The following TMEM245 variants were observed in gnomAD, a reference collection of about 807,000 sequenced individuals.
TMEM245 encodes protein CG-2.
In TMEM245, 69 loss-of-function variants were observed where a neutral mutation model predicts 101.2. The observed-to-expected ratio is 0.68, with a 90% confidence interval of 0.56 to 0.83. TMEM245 has a LOEUF of 0.83. Among genes scored for constraint, TMEM245 ranks in the 40% least tolerant of loss-of-function variants. TMEM245 has a pLI of 0.00. For missense variants in TMEM245, 1,075 were observed against 1,092.8 expected (o/e 0.98, Z 0.23); for synonymous variants, 537 against 449.8 (o/e 1.19, Z -2.45).
intron 8 of TMEM245, among the ~76,000 whole-genome samples, chr9:109,077,698 T>C (rs1247831899): frequency 6.6e-6 from 1 of 152,246 alleles, no homozygotes; most frequent in Admixed American, 6.5e-5. Context: ...AATATTTCTT[T>C]TTGACAATCT....
rs535398424 is a variant in TMEM245 at position 109,115,257 on chromosome 9, T to C, written c.579+4078A>G. On this transcript the variant is annotated intron_variant, in intron 1 of 17. Coordinates refer to ENST00000374586, the MANE Select transcript of TMEM245 (RefSeq NM_032012.4). ...AGCTACTTGGGAGGCTGAAGCAGAA[T>C]TGCTTGAACCGGGGAGGCAGAGCTT... 7.2e-5 allele frequency among the ~76,000 whole-genome samples: 11 copies of C among 152,014 alleles called. No individual in the cohort carries two copies. In the East Asian group the frequency reaches 2.1e-3, roughly 30 times the overall value.
chr9:109,101,526 C>G (rs1386519365), intron 3 of TMEM245, among the ~76,000 whole-genome samples: 1 of 152,062 alleles, frequency 6.6e-6, no homozygotes, highest in East Asian at 1.9e-4. Context: ...GAAAAAAATA[C>G]TCAGAAATTT....
chr9:109,059,367 A>C (rs1466994263), intron 11 of TMEM245, among the ~76,000 whole-genome samples: 1 of 152,160 alleles, frequency 6.6e-6, no homozygotes, highest in Non-Finnish European at 1.5e-5. Flanking sequence ...AGAGACTTAC[A>C]TATATACTTG....
Position 109,091,132 on chromosome 9 carries a change from C to T in TMEM245, c.940G>A (p.Ala314Thr), listed in dbSNP as rs2271877. ...PAEAVDRGES[A>T]PTLSTSPSPS... is the part of the protein sequence containing the mutation. ...GAAGGGGAGGTGGACAACGTTGGAGCGGATTCTCCCCTGTCCACTGCTTCT... is the reference window on the plus strand; with the variant it reads ...GAAGGGGAGGTGGACAACGTTGGAGTGGATTCTCCCCTGTCCACTGCTTCT... Residue 314 changes from alanine (A) to threonine (T), a missense_variant, in exon 5 of 18, where the codon GCT (alanine) becomes ACT (threonine). Coordinates refer to ENST00000374586, the MANE Select transcript of TMEM245 (RefSeq NM_032012.4). 7.2e-3 allele frequency: 11,648 copies of T among 1,613,806 alleles called. 474 individuals are homozygous for T. In the East Asian group the frequency reaches 0.13, roughly 18 times the overall value.
intron 9 of TMEM245, among the ~76,000 whole-genome samples, chr9:109,067,225 T>A (rs955206084): frequency 1.3e-5 from 2 of 152,148 alleles, no homozygotes; most frequent in African/African-American, 4.8e-5. Flanking sequence ...AGGAGCTGTT[T>A]TGGGGACAAG....
intron 9 of TMEM245, among the ~76,000 whole-genome samples, chr9:109,072,564 T>C (rs1829366902): frequency 6.6e-6 from 1 of 152,200 alleles, no homozygotes; most frequent in Non-Finnish European, 1.5e-5. Context: ...TGTACCTGTC[T>C]CTTCTCATTC....
chr9:109,095,230 T>A (rs1017190130), intron 3 of TMEM245, among the ~76,000 whole-genome samples: 2 of 152,184 alleles, frequency 1.3e-5, no homozygotes, highest in Admixed American at 1.3e-4. Flanking sequence ...GAAATGCCAA[T>A]AAGACAGAAA....
At chr9:109,068,724 T>C (rs187173355) in intron 9 of TMEM245, among the ~76,000 whole-genome samples, 21 of 152,308 alleles carry the variant, frequency 1.4e-4, no homozygotes, top group African/African-American at 5.1e-4. Context: ...ACATCTTGGA[T>C]GAGCTTCAAG....
At chr9:109,087,053 T>G (rs556727252) in intron 6 of TMEM245, 120 bp downstream of exon 6, 1 of 835,676 alleles carries the variant, frequency 1.2e-6, no homozygotes, top group Non-Finnish European at 1.7e-6. Context: ...ACTTTCATCA[T>G]AGAATTAGAT....
At chr9:109,089,836 T>C (rs1247138591) in intron 5 of TMEM245, among the ~76,000 whole-genome samples, 1 of 152,204 alleles carries the variant, frequency 6.6e-6, no homozygotes, top group Admixed American at 6.5e-5. Context: ...ACATATAATA[T>C]AGATATACAT....
At chr9:109,035,420 A>G (rs1828089548) in intron 16 of TMEM245, among the ~76,000 whole-genome samples, 1 of 152,180 alleles carries the variant, frequency 6.6e-6, no homozygotes, top group Non-Finnish European at 1.5e-5. Context: ...AAACCTATAA[A>G]AACAGACATT....
In TMEM245 at chr9:109,051,635, T is replaced by C. The variant is rs1437010942; in HGVS notation, c.1855-943A>G. The stretch of plus-strand genomic sequence containing the variant: ...TCTAAAAGGTACAGTAAAAATACAG[T>C]ATTATAATCTTATGGGACCATGATT... On this transcript the variant is annotated intron_variant, in intron 12 of 17. Coordinates refer to ENST00000374586, the MANE Select transcript of TMEM245 (RefSeq NM_032012.4). 3.4e-4 allele frequency among the ~76,000 whole-genome samples: 52 copies of C among 152,124 alleles called. 1 individual carries two copies. Among genetic ancestry groups the C allele is most frequent in the Admixed American group, 3.4e-3 (52 of 15,250 alleles).
At chr9:109,073,856 GTTTTTTTTT>G (rs904054098) in intron 8 of TMEM245, among the ~76,000 whole-genome samples, 1 of 119,818 alleles carries the variant, frequency 8.3e-6, no homozygotes, top group Non-Finnish European at 1.6e-5. Flanking sequence ...TTTTTTTTTT[GTTTTTTTTT>G]TTTTTTTTTT....
chr9:109,119,207 G>A, intron 1 of TMEM245, 128 bp downstream of exon 1: 3 of 863,050 alleles, frequency 3.5e-6, no homozygotes, highest in South Asian at 2.0e-5. Context: ...GGAAAGCGGA[G>A]ACGGACGGTC....
chr9:109,108,140 C>T (rs187628007), intron 2 of TMEM245, among the ~76,000 whole-genome samples: 3 of 152,256 alleles, frequency 2.0e-5, no homozygotes, highest in African/African-American at 4.8e-5. Context: ...CACCTCTTAT[C>T]GTTGACTGCT....
chr9:109,026,486 G>A (rs928368225), intron 17 of TMEM245, among the ~76,000 whole-genome samples: 5 of 151,796 alleles, frequency 3.3e-5, no homozygotes, highest in Non-Finnish European at 7.4e-5. Flanking sequence ...AAAGCAGCGT[G>A]CACAAAGGCC....
rs1338732155 is a variant in TMEM245 at position 109,016,070 on chromosome 9, G to C, written c.*4390C>G. The C allele has an allele frequency of 1.3e-5, 2 of 152,610 alleles. No homozygotes were observed. Among genetic ancestry groups the C allele is most frequent in the Non-Finnish European group, 2.9e-5 (2 of 68,038 alleles). 9.5% of individuals were successfully genotyped at this position (152,610 alleles called of 1,614,324 possible). On this transcript the variant is annotated 3_prime_UTR_variant, in exon 18 of 18. Coordinates refer to ENST00000374586, the MANE Select transcript of TMEM245 (RefSeq NM_032012.4). ...TTTCCATTAGGGATGTCTTCTCAAA[G>C]AGTTGTAAACTTGATCAAGGGCCAT...
chr9:109,036,406 AC>A, intron 15 of TMEM245, 26 bp from the exon 16 acceptor site: 1 of 1,551,446 alleles, frequency 6.4e-7, no homozygotes, highest in East Asian at 2.3e-5. Context: ...AAGAAAAACA[AC>A]TTAACATCAT....
At chr9:109,025,554 A>G (rs1033652256) in intron 17 of TMEM245, among the ~76,000 whole-genome samples, 1 of 152,206 alleles carries the variant, frequency 6.6e-6, no homozygotes, top group African/African-American at 2.4e-5. Flanking sequence ...AGGGCAAAGG[A>G]AAACTACAAT....
Sources: gnomAD v4.1 joint callset for allele counts (sites outside exome capture counted in the v4.1 genomes callset) on GRCh38, gnomAD v4.1.1 for gene constraint, MANE v1.5 for transcripts, NCBI Gene and HGNC (gene_info 2026-07-23, HGNC 2026-07-21) for gene names.